The following CDH12 variants were observed in gnomAD, a reference collection of about 807,000 sequenced individuals.
The protein encoded by CDH12 is cadherin 12, also known as cadherin-12.
Under a neutral mutation model 74.1 loss-of-function variants are expected in CDH12, and 41 were observed. The ratio of observed to expected loss-of-function variants is 0.55; its 90% CI spans 0.43 to 0.72. The LOEUF (loss-of-function observed/expected upper bound fraction) is 0.72, where lower values mean the gene tolerates loss of function less well. Among genes scored for constraint, CDH12 ranks in the 30% least tolerant of loss-of-function variants. CDH12 has a pLI of 0.00. For synonymous variants in CDH12, 399 were observed against 355.0 expected (o/e 1.12, Z -1.39); for missense variants, 945 against 977.2 (o/e 0.97, Z 0.44).
chr5:22,314,928 TCC>T (rs1738548824), intron 3 of CDH12, among the ~76,000 whole-genome samples: 1 of 141,912 alleles, frequency 7.0e-6, no homozygotes, highest in Non-Finnish European at 1.5e-5. Flanking sequence ...AAAGCAGAGG[TCC>T]CTGGGTTGGT....
At chr5:21,779,181 G>T (rs1745769814) in intron 11 of CDH12, 1 of 151,882 alleles carries the variant, frequency 6.6e-6, no homozygotes, top group Non-Finnish European at 1.5e-5. Flanking sequence ...ATTTAGTGAA[G>T]TTATGTTTAG....
At chr5:22,532,727 C>T (rs1048722284) in intron 1 of CDH12, among the ~76,000 whole-genome samples, 7 of 151,672 alleles carry the variant, frequency 4.6e-5, no homozygotes, top group Admixed American at 4.6e-4. Context: ...ATGGCGAAAA[C>T]CTGAAACTAA....
At chr5:21,833,749 C>T (rs1252040225) in intron 8 of CDH12, among the ~76,000 whole-genome samples, 1 of 151,328 alleles carries the variant, frequency 6.6e-6, no homozygotes, top group Non-Finnish European at 1.5e-5. Flanking sequence ...TACCACAAAA[C>T]TTATCTAAAA....
chr5:22,778,620 G>T (rs1264864053), intron 1 of CDH12, among the ~76,000 whole-genome samples: 1 of 152,072 alleles, frequency 6.6e-6, no homozygotes, highest in Non-Finnish European at 1.5e-5. Context: ...GACAGTATTT[G>T]TCAACTTTAA....
At chr5:22,627,603 G>GA (rs1237727640) in intron 1 of CDH12, among the ~76,000 whole-genome samples, 5 of 152,096 alleles carry the variant, frequency 3.3e-5, no homozygotes, top group Non-Finnish European at 5.9e-5. Context: ...ACAGGAAAAT[G>GA]AAAGACCATT....
In CDH12 at chr5:22,622,582, T is replaced by C. The variant is rs187990489; in HGVS notation, c.-522-117218A>G. Among the ~76,000 whole-genome samples, 720 of 152,250 alleles carry C rather than the reference T, an allele frequency of 4.7e-3. 5 individuals carry two copies. Among genetic ancestry groups the C allele is most frequent in the African/African-American group, 0.016 (678 of 41,544 alleles). ...AACTAGAAAATCTAGAAGAAATGGA[T>C]GAATTCCTGGACACATACACCCTCC... On this transcript the variant is annotated intron_variant, in intron 1 of 14. Coordinates refer to ENST00000382254, the MANE Select transcript of CDH12 (RefSeq NM_004061.5).
At chr5:21,896,343 T>C (rs1172022429) in intron 6 of CDH12, among the ~76,000 whole-genome samples, 2 of 152,228 alleles carry the variant, frequency 1.3e-5, no homozygotes, top group Admixed American at 1.3e-4. Context: ...TCTTCACAGC[T>C]TGGACAATTA....
At chr5:22,622,496 A>G (rs1457276760) in intron 1 of CDH12, among the ~76,000 whole-genome samples, 1 of 152,200 alleles carries the variant, frequency 6.6e-6, no homozygotes, top group African/African-American at 2.4e-5. Context: ...GGATATCACC[A>G]CCGATCCCAC....
At chr5:22,834,065 C>T (rs1360620909) in intron 1 of CDH12, among the ~76,000 whole-genome samples, 2 of 152,144 alleles carry the variant, frequency 1.3e-5, no homozygotes, top group Non-Finnish European at 2.9e-5. Flanking sequence ...CCTTGACCTT[C>T]AACAACTGAA....
At chr5:21,820,217 T>C (rs916205396) in intron 8 of CDH12, among the ~76,000 whole-genome samples, 2 of 152,006 alleles carry the variant, frequency 1.3e-5, no homozygotes, top group Non-Finnish European at 2.9e-5. Context: ...TAAAAGAACA[T>C]TTTATGGGGC....
At chr5:22,639,432 C>CTT (rs10706075) in intron 1 of CDH12, among the ~76,000 whole-genome samples, 11 of 115,600 alleles carry the variant, frequency 9.5e-5, no homozygotes, top group East Asian at 2.5e-4. Context: ...TTTTCTTCTT[C>CTT]TTTTTTTTTT....
At chr5:21,901,197 C>T (rs1439268802) in intron 6 of CDH12, among the ~76,000 whole-genome samples, 1 of 151,892 alleles carries the variant, frequency 6.6e-6, no homozygotes, top group Non-Finnish European at 1.5e-5. Flanking sequence ...TGGGGATTTT[C>T]TAAGGTCAAC....
intron 1 of CDH12, among the ~76,000 whole-genome samples, chr5:22,783,458 A>C (rs1747480218): frequency 6.6e-6 from 1 of 152,260 alleles, no homozygotes. Context: ...AAAATCAGAT[A>C]ACTTACTGAA....
At chr5:22,706,174 C>T (rs1447733022) in intron 1 of CDH12, among the ~76,000 whole-genome samples, 2 of 151,934 alleles carry the variant, frequency 1.3e-5, no homozygotes, top group Non-Finnish European at 2.9e-5. Context: ...AGTAGGTTTC[C>T]CCTGGCAGGT....
At chr5:22,006,785 C>G (rs1426887598) in intron 5 of CDH12, among the ~76,000 whole-genome samples, 1 of 152,132 alleles carries the variant, frequency 6.6e-6, no homozygotes, top group African/African-American at 2.4e-5. Context: ...TTAGGTCGCT[C>G]TAAGCATGAA....
In CDH12 at chr5:22,697,571, C is replaced by CAAA. The variant is rs397997008; in HGVS notation, c.-523+155484_-523+155486dup. Reference sequence around the variant, plus strand: ...TGGGCGACAGAGCGAGACTCTGTCTCAAAAAAAAAAAAAAAAAAGAAAGAA... The same window carrying CAAA: ...TGGGCGACAGAGCGAGACTCTGTCTCAAAAAAAAAAAAAAAAAAAAAGAAAGAA... On this transcript the variant is annotated intron_variant, in intron 1 of 14. Transcript: ENST00000382254. 1.4e-3 allele frequency among the ~76,000 whole-genome samples: 148 copies of CAAA among 102,200 alleles called. 2 individuals carry two copies. The highest frequency in any genetic ancestry group is 2.1e-3 in the Non-Finnish European group (109 of 52,048). The allele number at this position is 102,200 out of a possible 152,430, so 67.0% of individuals were successfully genotyped here. A position where few individuals can be genotyped will look rare whatever the true frequency, so the allele number is the denominator to read the frequency against.
intron 4 of CDH12, among the ~76,000 whole-genome samples, chr5:22,149,846 T>C (rs1411871045): frequency 6.6e-6 from 1 of 151,916 alleles, no homozygotes; most frequent in Non-Finnish European, 1.5e-5. Flanking sequence ...AATACAAAAA[T>C]TAGCCAGGCA....
chr5:22,515,507 A>G (rs925798259), intron 1 of CDH12, among the ~76,000 whole-genome samples: 2 of 152,080 alleles, frequency 1.3e-5, no homozygotes, highest in Non-Finnish European at 2.9e-5. Flanking sequence ...ATAATTCTAC[A>G]TAGTTGACAT....
intron 4 of CDH12, among the ~76,000 whole-genome samples, chr5:22,118,709 CTCTT>C (rs1561130716): frequency 1.3e-5 from 2 of 152,058 alleles, no homozygotes; most frequent in African/African-American, 4.8e-5. Context: ...TATTGTCTCC[CTCTT>C]TCTCTCAATT....
Sources: allele counts gnomAD v4.1 joint callset (sites outside exome capture counted in the v4.1 genomes callset), GRCh38; gene constraint gnomAD v4.1.1; transcripts MANE v1.5; gene names NCBI Gene and HGNC (gene_info 2026-07-23, HGNC 2026-07-21).